The following NIPSNAP3A variants were observed in gnomAD, a reference collection of about 807,000 sequenced individuals.
The protein encoded by NIPSNAP3A is protein NipSnap homolog 3A.
A neutral mutation model predicts 32.3 loss-of-function variants in NIPSNAP3A; 27 were observed. The ratio of observed to expected loss-of-function variants is 0.84; its 90% CI spans 0.62 to 1.15. The LOEUF (loss-of-function observed/expected upper bound fraction) is 1.15, where lower values mean the gene tolerates loss of function less well. NIPSNAP3A is among the 50% of genes most tolerant of loss of function. NIPSNAP3A has a pLI of 0.00. For synonymous variants in NIPSNAP3A, 108 were observed against 107.3 expected (o/e 1.01, Z -0.04); for missense variants, 278 against 297.2 (o/e 0.94, Z 0.48).
rs1369946166 is a variant in NIPSNAP3A, at chr9:104,759,107, G to A, written c.603G>A (p.Glu201=). 3 of 1,612,716 alleles carry A rather than the reference G, an allele frequency of 1.9e-6. No homozygotes were observed. The highest frequency in any genetic ancestry group is 2.5e-6 in the Non-Finnish European group (3 of 1,179,348). Residue 201 remains glutamate (E), a synonymous_variant, in exon 5 of 6, where the codon GAG becomes GAA. Coordinates refer to ENST00000374767, the MANE Select transcript of NIPSNAP3A (RefSeq NM_015469.3). ...CAGTTCATGTTCTTTGGTGGAATGAGAGTGCAGATAGTCGTGCAGCTGGGA... is the reference window on the plus strand; with the variant it reads ...CAGTTCATGTTCTTTGGTGGAATGAAAGTGCAGATAGTCGTGCAGCTGGGA... The part of the protein sequence containing the change: ...LNRVHVLWWN[E]SADSRAAGRH...
intron 4 of NIPSNAP3A, 24 bp from the exon 5 acceptor site, chr9:104,759,061 G>A (rs2118762532): frequency 3.7e-6 from 6 of 1,602,036 alleles, no homozygotes; most frequent in Non-Finnish European, 5.1e-6. Flanking sequence ...TTTTTTAGAA[G>A]CTACTTGTGG....
In NIPSNAP3A at chr9:104,751,073, G is replaced by A. The variant is rs1008041078; in HGVS notation, c.178G>A (p.Ala60Thr). Residue 60 changes from alanine (A) to threonine (T), a missense_variant, in exon 2 of 6, where the codon GCT (alanine) becomes ACT (threonine). Transcript: ENST00000374767. ...NEFLENFEKN[A>T]HLRTAHSELV... ...GTTCCTGGAAAATTTTGAGAAAAACGCTCATCTTCGGACAGCTCACTCTGA... is the reference window on the plus strand; with the variant it reads ...GTTCCTGGAAAATTTTGAGAAAAACACTCATCTTCGGACAGCTCACTCTGA... 1.1e-5 allele frequency: 17 copies of A among 1,613,874 alleles called. No individual in the cohort carries two copies. The highest frequency in any genetic ancestry group is 1.4e-5 in the Non-Finnish European group (17 of 1,179,926).
intron 1 of NIPSNAP3A, among the ~76,000 whole-genome samples, chr9:104,749,274 C>T (rs1015749437): frequency 6.6e-6 from 1 of 152,084 alleles, no homozygotes; most frequent in African/African-American, 2.4e-5. Context: ...TTTAAAAGCA[C>T]AAAAAGAGTG....
intron 1 of NIPSNAP3A, among the ~76,000 whole-genome samples, chr9:104,748,169 TGCCCAGCTATGTCGCGGCTGCG>T (rs2118745090): frequency 6.6e-6 from 1 of 152,286 alleles, no homozygotes; most frequent in South Asian, 2.1e-4. Context: ...TCGTTTTTGC[TGCCCAGCTATGTCGCGGCTGCG>T]GCCCAGCGAG....
At chr9:104,755,256 G>A (rs1034652432) in intron 4 of NIPSNAP3A, among the ~76,000 whole-genome samples, 21 of 150,842 alleles carry the variant, frequency 1.4e-4, no homozygotes, top group Non-Finnish European at 2.8e-4. Flanking sequence ...AAAAAAAAAT[G>A]AAGGAACCTC....
intron 2 of NIPSNAP3A, among the ~76,000 whole-genome samples, chr9:104,752,649 C>T (rs1827859461): frequency 6.6e-6 from 1 of 152,172 alleles, no homozygotes; most frequent in South Asian, 2.1e-4. Flanking sequence ...ACCTAATTCA[C>T]AAAACTGCCT....
At chr9:104,752,782 C>A in intron 2 of NIPSNAP3A, 124 bp from the exon 3 acceptor site, 2 of 810,462 alleles carry the variant, frequency 2.5e-6, no homozygotes, top group South Asian at 1.6e-5. Flanking sequence ...TTGGTGTCTC[C>A]AAAGGCCTAA....
At position 104,750,401 on chromosome 9, in the gene NIPSNAP3A, T is replaced by C. The variant is rs184373728; in HGVS notation, c.61-555T>C. On this transcript the variant is annotated intron_variant, in intron 1 of 5. Transcript: ENST00000374767. ...GCATATTTAAGAGTAGTTGTCTTTATTGACACCTCTATGTAAACAAATGTA... is the reference window on the plus strand; with the variant it reads ...GCATATTTAAGAGTAGTTGTCTTTACTGACACCTCTATGTAAACAAATGTA... Among the ~76,000 whole-genome samples, 29 of 152,350 alleles carry C rather than the reference T, an allele frequency of 1.9e-4. No individual in the cohort carries two copies. The East Asian group carries it at 5.4e-3, about 28-fold the overall frequency.
In NIPSNAP3A at chr9:104,747,710, C is replaced by T. The variant is rs974262777; in HGVS notation, c.-83C>T. 62 of 1,394,030 alleles carry T rather than the reference C, an allele frequency of 4.4e-5. No homozygotes were observed. The highest frequency in any genetic ancestry group is 6.1e-5 in the Non-Finnish European group (61 of 1,005,152). 86.4% of individuals were successfully genotyped at this position (1,394,030 alleles called of 1,614,324 possible). On this transcript the variant is annotated 5_prime_UTR_variant, in exon 1 of 6. Coordinates refer to ENST00000374767, the MANE Select transcript of NIPSNAP3A (RefSeq NM_015469.3). The stretch of plus-strand genomic sequence containing the variant: ...CCTGCGTCTGCCAATGATCCAGGAG[C>T]CGCTCCTTTCCACTCGGGAAACCTT...
chr9:104,751,129 A>T lies in NIPSNAP3A; in HGVS notation c.234A>T (p.Gly78=), dbSNP rs749416427. The T allele has an allele frequency of 5.6e-5, 90 of 1,613,834 alleles. No individual in the cohort carries two copies. The highest frequency in any genetic ancestry group is 7.0e-5 in the Non-Finnish European group (83 of 1,179,894). Residue 78 remains glycine, a synonymous_variant, in exon 2 of 6, where the codon GGA becomes GGT. Coordinates refer to ENST00000374767, the MANE Select transcript of NIPSNAP3A (RefSeq NM_015469.3). ...ELVGYWSVEF[G]GRMNTVFHIW... ...TTGGATACTGGAGTGTAGAATTTGG[A>T]GGCAGAATGAATACAGTGTTTCATA...
rs562123624 is a variant in NIPSNAP3A, at chr9:104,752,327, C to T, written c.272-579C>T. Among the ~76,000 whole-genome samples, 30 of 152,200 alleles carry T rather than the reference C, an allele frequency of 2.0e-4. 1 individual carries two copies. The highest frequency in any genetic ancestry group is 1.7e-3 in the South Asian group (8 of 4,828). On this transcript the variant is annotated intron_variant, in intron 2 of 5. Coordinates refer to ENST00000374767, the MANE Select transcript of NIPSNAP3A (RefSeq NM_015469.3). ...CAAAGGAGAAGAGGCTTAAAAAGTA[C>T]GGTTTAACTTCACTCATGTTAAATT... is the stretch of plus-strand genomic sequence containing the variant.
Position 104,759,522 on chromosome 9 carries a change from T to A in NIPSNAP3A, c.*184T>A. 1.7e-6 allele frequency: 1 copy of A among 604,066 alleles called. No homozygotes were observed. Among genetic ancestry groups the A allele is most frequent in the Non-Finnish European group, 2.9e-6 (1 of 344,050 alleles). The allele number at this position is 604,066 out of a possible 1,614,324, so 37.4% of individuals were successfully genotyped here. A position where few individuals can be genotyped will look rare whatever the true frequency, so the allele number is the denominator to read the frequency against. Reference sequence around the variant, plus strand: ...GTACCACTTCAAAAAATAGTTCTGTTTACTTTCTGCATGGTATTTCAGTGT... The same window carrying A: ...GTACCACTTCAAAAAATAGTTCTGTATACTTTCTGCATGGTATTTCAGTGT... On this transcript the variant is annotated 3_prime_UTR_variant, in exon 6 of 6. Transcript: ENST00000374767.
intron 3 of NIPSNAP3A, 113 bp downstream of exon 3, chr9:104,753,177 T>C: frequency 1.2e-6 from 1 of 868,254 alleles, no homozygotes; most frequent in Non-Finnish European, 1.9e-6. Context: ...TTGTTTTATA[T>C]AGAAACATAC....
At chr9:104,750,342 G>GA (rs1306458791) in intron 1 of NIPSNAP3A, among the ~76,000 whole-genome samples, 3 of 152,150 alleles carry the variant, frequency 2.0e-5, no homozygotes, top group African/African-American at 7.2e-5. Flanking sequence ...AGGTGACAGT[G>GA]AACCCCCACT....
At position 104,747,726 on chromosome 9, in the gene NIPSNAP3A, G is replaced by A. The variant is rs1827789483; in HGVS notation, c.-67G>A. 2.0e-6 allele frequency: 3 copies of A among 1,499,076 alleles called. No individual in the cohort carries two copies. Among genetic ancestry groups the A allele is most frequent in the Admixed American group, 3.8e-5 (2 of 52,386 alleles). 92.9% of individuals were successfully genotyped at this position (1,499,076 alleles called of 1,614,324 possible). A position where few individuals can be genotyped will look rare whatever the true frequency, so the allele number is the denominator to read the frequency against. ...ATCCAGGAGCCGCTCCTTTCCACTC[G>A]GGAAACCTTCAGAGGAGTCTCAGAA... On this transcript the variant is annotated 5_prime_UTR_variant, in exon 1 of 6. Transcript: ENST00000374767.
intron 1 of NIPSNAP3A, 64 bp downstream of exon 1, chr9:104,747,916 T>G (rs1307450174): frequency 1.4e-6 from 2 of 1,446,666 alleles, no homozygotes; most frequent in African/African-American, 2.8e-5. Flanking sequence ...GCGGGGAGTG[T>G]TCCGGGTACG....
Position 104,747,709 on chromosome 9 carries a change from G to A in NIPSNAP3A, c.-84G>A. On this transcript the variant is annotated 5_prime_UTR_variant, in exon 1 of 6. Transcript: ENST00000374767. ...GCCTGCGTCTGCCAATGATCCAGGA[G>A]CCGCTCCTTTCCACTCGGGAAACCT... 1.4e-6 allele frequency: 2 copies of A among 1,392,320 alleles called. No homozygotes were observed. Among genetic ancestry groups the A allele is most frequent in the Non-Finnish European group, 2.0e-6 (2 of 1,003,574 alleles). 86.2% of individuals were successfully genotyped at this position (1,392,320 alleles called of 1,614,324 possible). A position where few individuals can be genotyped will look rare whatever the true frequency, so the allele number is the denominator to read the frequency against.
chr9:104,755,314 TTTTA>T (rs1382396138), intron 4 of NIPSNAP3A, among the ~76,000 whole-genome samples: 2 of 151,894 alleles, frequency 1.3e-5, no homozygotes, highest in Admixed American at 1.3e-4. Context: ...CTGAATGTAC[TTTTA>T]TTGATTTTTT....
chr9:104,748,181 TCG>T (rs1827801517), intron 1 of NIPSNAP3A, among the ~76,000 whole-genome samples: 1 of 152,136 alleles, frequency 6.6e-6, no homozygotes, highest in Non-Finnish European at 1.5e-5. Flanking sequence ...CCCAGCTATG[TCG>T]CGGCTGCGGC....
Sources: allele counts gnomAD v4.1 joint callset (sites outside exome capture counted in the v4.1 genomes callset), GRCh38; gene constraint gnomAD v4.1.1; transcripts MANE v1.5; gene names NCBI Gene and HGNC (gene_info 2026-07-23, HGNC 2026-07-21).